GSE1: variants seen among roughly 807,000 people sequenced by gnomAD.
GSE1 encodes the protein genetic suppressor element 1.
Under a neutral mutation model 112.6 loss-of-function variants are expected in GSE1, and 32 were observed. The observed-to-expected ratio is 0.28, with a 90% CI of 0.21 to 0.38. GSE1 has a LOEUF of 0.38. Ranked by LOEUF, GSE1 falls within the 10% of genes least tolerant of loss-of-function variation. The pLI, the probability that GSE1 is intolerant of heterozygous loss-of-function variation, is 1.00. For missense variants in GSE1, 2,348 were observed against 1,699.2 expected (o/e 1.38, Z -6.71); for synonymous variants, 1,115 against 735.6 (o/e 1.52, Z -8.35).
chr16:85,453,664 A>G (rs767434151), intron 2 of GSE1, among the ~76,000 whole-genome samples: 8 of 152,084 alleles, frequency 5.3e-5, no homozygotes, highest in Non-Finnish European at 1.0e-4. Flanking sequence ...CCTGAAGTCT[A>G]GAGCTCAGGG....
At chr16:85,326,851 A>C (rs189249388) in intron 1 of GSE1, among the ~76,000 whole-genome samples, 1 of 152,372 alleles carries the variant, frequency 6.6e-6, no homozygotes, top group African/African-American at 2.4e-5. Context: ...TTTAAGACCC[A>C]GTCCCTGCCT....
intron 15 of GSE1, among the ~76,000 whole-genome samples, chr16:85,671,474 G>T (rs953881231): frequency 8.1e-5 from 11 of 135,084 alleles, no homozygotes; most frequent in African/African-American, 2.9e-4. Flanking sequence ...AATTTGGACT[G>T]CATGCAATGG....
At chr16:85,658,785 C>T (rs924008157) in intron 8 of GSE1, among the ~76,000 whole-genome samples, 1 of 150,380 alleles carries the variant, frequency 6.6e-6, no homozygotes, top group Non-Finnish European at 1.5e-5. Context: ...CATCAGGGTG[C>T]CCTGACTCCT....
chr16:85,566,367 C>T (rs982041292), intron 1 of GSE1, among the ~76,000 whole-genome samples: 4 of 152,180 alleles, frequency 2.6e-5, no homozygotes, highest in African/African-American at 9.7e-5. Flanking sequence ...GGTCACAAGG[C>T]GGCAAGTTCT....
chr16:85,613,159 C>G (rs1382858681), upstream of GSE1: 11 of 1,353,454 alleles, frequency 8.1e-6, no homozygotes, highest in Non-Finnish European at 1.1e-5. Context: ...TGGCTGAGGT[C>G]AGGGAGCCGG....
At chr16:85,328,811 C>G (rs74031791) in intron 1 of GSE1, among the ~76,000 whole-genome samples, 25 of 3,506 alleles carry the variant, frequency 7.1e-3, no homozygotes, top group African/African-American at 0.037. Context: ...GCCCCGGGGC[C>G]TCCCCGCCCC....
rs1463634980 is a variant in GSE1, at chr16:85,269,554, G to C, written c.2284-87909G>C. 2.0e-5 allele frequency among the ~76,000 whole-genome samples: 3 copies of C among 149,386 alleles called. 1 individual carries two copies. The highest frequency in any genetic ancestry group is 4.5e-5 in the Non-Finnish European group (3 of 66,302). ...CTTACAAACACAGTGCAAATGGCCTGTGGGGCTGGGGACCCAGGACAGAAC... is the reference window on the plus strand; with the variant it reads ...CTTACAAACACAGTGCAAATGGCCTCTGGGGCTGGGGACCCAGGACAGAAC... On this transcript the variant is annotated intron_variant, in intron 1 of 2. Coordinates refer to the GSE1 transcript ENST00000637419.
At chr16:85,623,485 C>T (rs1015135905) in intron 1 of GSE1, among the ~76,000 whole-genome samples, 19 of 152,214 alleles carry the variant, frequency 1.2e-4, no homozygotes, top group African/African-American at 4.3e-4. Context: ...GGGCATGAGT[C>T]AGCCTGGGCC....
At chr16:85,309,938 A>T (rs2045789912) in intron 1 of GSE1, among the ~76,000 whole-genome samples, 1 of 152,132 alleles carries the variant, frequency 6.6e-6, no homozygotes, top group Admixed American at 6.5e-5. Context: ...ATCCCTTCTT[A>T]CAAAAAAATA....
Position 85,656,669 on chromosome 16 carries a change from C to G in GSE1, c.1312+4C>G. 1 of 1,505,612 alleles carries G rather than the reference C, an allele frequency of 6.6e-7. No homozygotes were observed. Among genetic ancestry groups the G allele is most frequent in the Non-Finnish European group, 8.9e-7 (1 of 1,126,466 alleles). The allele number at this position is 1,505,612 out of a possible 1,614,324, so 93.3% of individuals were successfully genotyped here. On this transcript the variant is annotated splice_donor_region_variant and intron_variant, in intron 7 of 15. Transcript: ENST00000253458. Reference sequence around the variant, plus strand: ...CAGCTGACCCCAACCCGAGCAGGTACCTGGGCGTGGGTGGGCTGTGCTGGG... The same window carrying G: ...CAGCTGACCCCAACCCGAGCAGGTAGCTGGGCGTGGGTGGGCTGTGCTGGG...
chr16:85,251,064 G>A (rs572435327), intron 1 of GSE1, among the ~76,000 whole-genome samples: 72 of 152,338 alleles, frequency 4.7e-4, no homozygotes, highest in Non-Finnish European at 4.9e-4. Context: ...GTTCATCCGT[G>A]GATGGATGTT....
chr16:85,669,667 G>C (rs1241144359), intron 14 of GSE1, among the ~76,000 whole-genome samples: 1 of 152,164 alleles, frequency 6.6e-6, no homozygotes, highest in East Asian at 1.9e-4. Context: ...TTTTTGGTGT[G>C]GTGTTGGGAA....
intron 2 of GSE1, among the ~76,000 whole-genome samples, chr16:85,531,971 A>AG (rs372689976): frequency 1.4e-3 from 206 of 152,284 alleles, no homozygotes; most frequent in African/African-American, 4.7e-3. Context: ...GGGCGCGAGT[A>AG]GGGGGGCAGG....
At chr16:85,671,996 G>A (rs956698203) in intron 15 of GSE1, 6 of 209,528 alleles carry the variant, frequency 2.9e-5, no homozygotes, top group African/African-American at 1.4e-4. Flanking sequence ...AGGCTGAGAA[G>A]TGGACTTTGT....
upstream of GSE1, chr16:85,611,371 G>C (rs1244235497): frequency 8.0e-6 from 5 of 624,826 alleles, no homozygotes; most frequent in Non-Finnish European, 9.8e-6. Context: ...CCGCCGGCCA[G>C]TGCGGGTATA....
intron 1 of GSE1, among the ~76,000 whole-genome samples, chr16:85,290,593 C>T (rs1412823161): frequency 6.6e-6 from 1 of 152,198 alleles, no homozygotes; most frequent in Non-Finnish European, 1.5e-5. Flanking sequence ...ATCCAGGCCA[C>T]ACAGCACACA....
upstream of GSE1, among the ~76,000 whole-genome samples, chr16:85,552,364 G>A (rs1244967329): frequency 3.3e-4 from 23 of 69,346 alleles, 1 homozygote; most frequent in African/African-American, 1.1e-3. Context: ...ACGGAGTCTC[G>A]CTCTGTGCCC....
intron 3 of GSE1, 76 bp from the exon 4 acceptor site, chr16:85,654,202 C>G (rs2151917447): frequency 7.3e-7 from 1 of 1,375,170 alleles, no homozygotes; most frequent in East Asian, 2.5e-5. Flanking sequence ...TCCCGTGAGT[C>G]AGGAGACCTG....
rs1479559122 is a variant in GSE1 at position 85,666,152 on chromosome 16, G to T, written c.2935G>T (p.Ala979Ser). 5.0e-6 allele frequency: 8 copies of T among 1,613,276 alleles called. No homozygotes were observed. In the South Asian group the frequency reaches 7.7e-5, roughly 15 times the overall value. The part of the protein sequence containing the change: ...ASGEKARLSE[A>S]PGGKKSLSML... Reference sequence around the variant, plus strand: ...CGGGGAGAAGGCCAGGCTGAGCGAGGCCCCTGGAGGCAAAAAGAGTCTGAG... The same window carrying T: ...CGGGGAGAAGGCCAGGCTGAGCGAGTCCCCTGGAGGCAAAAAGAGTCTGAG... Residue 979 changes from alanine (A) to serine (S), a missense_variant, in exon 13 of 16, where the codon GCC (alanine) becomes TCC (serine). Physicochemically the swap from Ala to Ser is moderately conservative, Grantham distance 99. Transcript: ENST00000253458.
Sources: allele counts gnomAD v4.1 joint callset (sites outside exome capture counted in the v4.1 genomes callset), GRCh38; gene constraint gnomAD v4.1.1; transcripts MANE v1.5; gene names NCBI Gene and HGNC (gene_info 2026-07-23, HGNC 2026-07-21).